TNC: variants seen among roughly 807,000 people sequenced by gnomAD.
The protein encoded by TNC is tenascin.
In TNC, 109 loss-of-function variants were observed where a neutral mutation model predicts 202.4. The ratio of observed to expected loss-of-function variants is 0.54; its 90% CI spans 0.46 to 0.63. TNC has a LOEUF of 0.63. TNC is among the 30% of genes least tolerant of loss of function. The probability of loss-of-function intolerance (pLI) is 0.00; values close to 1 mark genes in which losing one functional copy is unlikely to be tolerated. For missense variants in TNC, 2,756 were observed against 2,833.3 expected, an observed-to-expected ratio of 0.97 and a Z score of 0.62; for synonymous variants, 1,007 against 1,089.7, an observed-to-expected ratio of 0.92 and a Z score of 1.50.
chr9:115,113,165 A>G (rs1158433131), intron 1 of TNC, among the ~76,000 whole-genome samples: 1 of 125,770 alleles, frequency 8.0e-6, no homozygotes, highest in Admixed American at 9.0e-5. Flanking sequence ...CAAAAAGACA[A>G]GCTTTTGTGT....
chr9:115,117,116 C>G (rs973537919), intron 1 of TNC, among the ~76,000 whole-genome samples: 1 of 152,174 alleles, frequency 6.6e-6, no homozygotes, highest in Non-Finnish European at 1.5e-5. Flanking sequence ...AGTGATGTAT[C>G]TTTCTCAGGG....
At chr9:115,082,491 C>T (rs953862749) in intron 5 of TNC, among the ~76,000 whole-genome samples, 21 of 152,094 alleles carry the variant, frequency 1.4e-4, no homozygotes, top group East Asian at 5.8e-4. Context: ...GGGTGTCAGC[C>T]GTAAGTGCTA....
intron 11 of TNC, 125 bp from the exon 12 acceptor site, chr9:115,064,193 G>T: frequency 2.1e-6 from 2 of 960,236 alleles, no homozygotes; most frequent in African/African-American, 1.6e-5. Flanking sequence ...AGATAAACAT[G>T]CATCATGCAA....
chr9:115,095,842 G>T (rs537761092), intron 1 of TNC, among the ~76,000 whole-genome samples: 71 of 151,038 alleles, frequency 4.7e-4, no homozygotes, highest in Non-Finnish European at 9.1e-4. Flanking sequence ...TATTATATAT[G>T]TAAGTGTGTG....
intron 1 of TNC, among the ~76,000 whole-genome samples, chr9:115,095,499 T>C (rs1835606129): frequency 3.1e-5 from 1 of 31,780 alleles, no homozygotes; most frequent in Non-Finnish European, 6.2e-5. Context: ...TATGTATATA[T>C]ATGTATATAT....
chr9:115,031,408 T>C (rs1292780113), intron 23 of TNC, 145 bp downstream of exon 23: 2 of 928,636 alleles, frequency 2.2e-6, no homozygotes, highest in Non-Finnish European at 3.0e-6. Context: ...ACATTTGCTT[T>C]CCTCAGGCTT....
chr9:115,099,228 G>C (rs1252968308), intron 1 of TNC, among the ~76,000 whole-genome samples: 1 of 152,134 alleles, frequency 6.6e-6, no homozygotes, highest in African/African-American at 2.4e-5. Flanking sequence ...TGTTGAACAA[G>C]TGTAAGAACG....
At chr9:115,028,196 G>A (rs1829659573) in intron 25 of TNC, among the ~76,000 whole-genome samples, 1 of 152,054 alleles carries the variant, frequency 6.6e-6, no homozygotes, top group Non-Finnish European at 1.5e-5. Context: ...CCTGCCTTAA[G>A]GTCCATAAAT....
At chr9:115,095,990 G>C (rs1211849273) in intron 1 of TNC, among the ~76,000 whole-genome samples, 1 of 152,054 alleles carries the variant, frequency 6.6e-6, no homozygotes, top group East Asian at 1.9e-4. Flanking sequence ...CTATTTCCAA[G>C]CTAAGCATGT....
intron 13 of TNC, among the ~76,000 whole-genome samples, chr9:115,062,668 C>T (rs1450331458): frequency 6.7e-6 from 1 of 150,242 alleles, no homozygotes; most frequent in Non-Finnish European, 1.5e-5. Context: ...TATATACACA[C>T]ACACACTATA....
In TNC at chr9:115,086,445, T is replaced by C; in HGVS notation, c.1286A>G (p.Tyr429Cys). 1 of 1,612,428 alleles carries C rather than the reference T, an allele frequency of 6.2e-7. No individual in the cohort carries two copies. Among genetic ancestry groups the C allele is most frequent in the Non-Finnish European group, 8.5e-7 (1 of 1,179,520 alleles). The part of the protein sequence containing the change: ...VNGQCVCDEG[Y>C]TGEDCSQLRC... ...TAGCTGGCTGCAGTCCTCCCCAGTATAGCCCTCATCACACACACACTGCCC... is the reference window on the plus strand; with the variant it reads ...TAGCTGGCTGCAGTCCTCCCCAGTACAGCCCTCATCACACACACACTGCCC... Residue 429 changes from tyrosine to cysteine, a missense_variant, in exon 3 of 28, where the codon TAT becomes TGT. This residue lies in a region of TNC where 2,559 missense variants were observed against 2,546.0 expected (regional missense o/e 1.01). Coordinates refer to ENST00000350763, the MANE Select transcript of TNC (RefSeq NM_002160.4).
intron 15 of TNC, among the ~76,000 whole-genome samples, chr9:115,054,568 T>A (rs1049596450): frequency 4.6e-5 from 7 of 152,160 alleles, no homozygotes; most frequent in Non-Finnish European, 1.0e-4. Flanking sequence ...AGACTCAGGT[T>A]CTTGAGGTCA....
In TNC at chr9:115,086,223, C is replaced by T. The variant is rs114407480; in HGVS notation, c.1508G>A (p.Arg503Lys). Residue 503 changes from arginine (R) to lysine (K), a missense_variant, in exon 3 of 28, where the codon AGG becomes AAG. By Grantham distance (26) the Arg-to-Lys change is conservative (BLOSUM62 2). This residue lies in a region of TNC where 2,559 missense variants were observed against 2,546.0 expected (regional missense o/e 1.01). Coordinates refer to ENST00000350763, the MANE Select transcript of TNC (RefSeq NM_002160.4). ...GEDCRDRQCP[R>K]DCSNRGLCVD... is the part of the protein sequence containing the mutation. ...ACAGAGGCCCCTGTTGCTGCAGTCC[C>T]TGGGGCATTGGCGATCCCGGCAGTC... 6.4e-4 allele frequency: 1,034 copies of T among 1,614,198 alleles called. 8 individuals are homozygous for T. The African/African-American group carries it at 0.012, about 19-fold the overall frequency.
intron 20 of TNC, among the ~76,000 whole-genome samples, chr9:115,036,873 A>T (rs1482928139): frequency 1.3e-5 from 2 of 152,116 alleles, no homozygotes; most frequent in Admixed American, 1.3e-4. Flanking sequence ...TAGGTGTGGA[A>T]CTTCTGGTGC....
chr9:115,065,500 A>G (rs185696397), intron 10 of TNC, among the ~76,000 whole-genome samples: 2 of 152,282 alleles, frequency 1.3e-5, no homozygotes, highest in Admixed American at 6.5e-5. Flanking sequence ...TTAGAAAACT[A>G]TATGTCTATG....
At position 115,021,273 on chromosome 9, in the gene TNC, A is replaced by T. The variant is rs1205719497; in HGVS notation, c.6496-6T>A. On this transcript the variant is annotated splice_polypyrimidine_tract_variant and splice_region_variant and intron_variant, in intron 27 of 27. Transcript: ENST00000350763. ...CAGTGGAACCAGTTAACGCCCTGTTAAAAAAAAAAAAGAGAGAGAGAGAGA... is the reference window on the plus strand; with the variant it reads ...CAGTGGAACCAGTTAACGCCCTGTTTAAAAAAAAAAAGAGAGAGAGAGAGA... The T allele has an allele frequency of 1.9e-5, 8 of 427,046 alleles. No individual in the cohort carries two copies. Among genetic ancestry groups the T allele is most frequent in the South Asian group, 3.6e-5 (1 of 27,406 alleles). 26.5% of individuals were successfully genotyped at this position (427,046 alleles called of 1,614,324 possible).
At chr9:115,112,825 C>T (rs1224641032) in intron 1 of TNC, 2 of 152,414 alleles carry the variant, frequency 1.3e-5, no homozygotes, top group Admixed American at 1.3e-4. Context: ...GGAAGGCAAT[C>T]ATAGGGGTAA....
At position 115,035,189 on chromosome 9, in the gene TNC, A is replaced by G; in HGVS notation, c.5787+15T>C. The G allele has an allele frequency of 6.3e-7, 1 of 1,599,778 alleles. No homozygotes were observed. The highest frequency in any genetic ancestry group is 1.1e-5 in the South Asian group (1 of 88,736). ...CTTCAACTAGCATTGAGGAGTTGTT[A>G]TATACTTAAAATACCTTGACTGTGC... On this transcript the variant is annotated intron_variant, in intron 22 of 27. Transcript: ENST00000350763.
chr9:115,036,201 C>T lies in TNC; in HGVS notation c.5553G>A (p.Glu1851=), dbSNP rs1830316127. ...CAGGCTCGAGGTCGGTCAGAGCATACTCCACTGTGTTCCCGGACACCGTGC... is the reference window on the plus strand; with the variant it reads ...CAGGCTCGAGGTCGGTCAGAGCATATTCCACTGTGTTCCCGGACACCGTGC... ...ITRTVSGNTV[E]YALTDLEPAT... is the part of the protein sequence containing the mutation. Residue 1851 remains glutamate (E), a synonymous_variant, in exon 21 of 28, where the codon GAG becomes GAA. Transcript: ENST00000350763. The T allele has an allele frequency of 6.2e-7, 1 of 1,614,198 alleles. No homozygotes were observed. The highest frequency in any genetic ancestry group is 1.3e-5 in the African/African-American group (1 of 75,054).
Sources: gnomAD v4.1 joint callset for allele counts (sites outside exome capture counted in the v4.1 genomes callset) on GRCh38, gnomAD v4.1.1 for gene constraint, gnomAD v4.1.1 regional missense constraint, MANE v1.5 for transcripts, NCBI Gene and HGNC (gene_info 2026-07-23, HGNC 2026-07-21) for gene names.